ANKH: variants seen among roughly 807,000 people sequenced by gnomAD.
The protein encoded by ANKH is ANKH inorganic pyrophosphate transport regulator.
A neutral mutation model predicts 49.0 loss-of-function variants in ANKH; 15 were observed. The observed-to-expected ratio is 0.31, with a 90% CI of 0.20 to 0.47. ANKH has a LOEUF of 0.47. ANKH is among the 20% of genes least tolerant of loss of function. The pLI is 1.00. For synonymous variants in ANKH, 273 were observed against 260.0 expected (o/e 1.05, Z -0.48); for missense variants, 429 against 652.0 (o/e 0.66, Z 3.72).
chr5:14,750,607 T>C (rs1738680284), intron 5 of ANKH, among the ~76,000 whole-genome samples: 1 of 152,174 alleles, frequency 6.6e-6, no homozygotes, highest in Admixed American at 6.5e-5. Flanking sequence ...GTACCTAACG[T>C]TGTGCTTGGT....
intron 8 of ANKH, among the ~76,000 whole-genome samples, chr5:14,731,603 A>G (rs1738004860): frequency 6.6e-6 from 1 of 152,164 alleles, no homozygotes; most frequent in Admixed American, 6.5e-5. Flanking sequence ...TCTGTTGATA[A>G]CCATAAAACT....
At chr5:14,828,018 A>G (rs1741393306) in intron 1 of ANKH, among the ~76,000 whole-genome samples, 1 of 152,190 alleles carries the variant, frequency 6.6e-6, no homozygotes, top group African/African-American at 2.4e-5. Flanking sequence ...AATCACATCA[A>G]TTACAGACAA....
intron 1 of ANKH, among the ~76,000 whole-genome samples, chr5:14,848,625 G>T (rs1463525128): frequency 1.3e-5 from 2 of 152,182 alleles, no homozygotes; most frequent in Non-Finnish European, 2.9e-5. Flanking sequence ...GGCGCCCACT[G>T]CCGCTCCCGA....
At chr5:14,835,588 T>C (rs1230134479) in intron 1 of ANKH, among the ~76,000 whole-genome samples, 3 of 152,210 alleles carry the variant, frequency 2.0e-5, no homozygotes, top group African/African-American at 7.2e-5. Context: ...GGTGAGATTC[T>C]GGCAGATGCT....
At chr5:14,716,870 A>AAAAGGAG (rs1281081682) in intron 8 of ANKH, 35 bp from the exon 9 acceptor site, 24 of 1,611,670 alleles carry the variant, frequency 1.5e-5, no homozygotes, top group Non-Finnish European at 2.0e-5. Context: ...GTTGTGAGGA[A>AAAAGGAG]AAAGTGTAAG....
intron 1 of ANKH, among the ~76,000 whole-genome samples, chr5:14,790,980 T>C (rs1280849393): frequency 6.6e-6 from 1 of 152,190 alleles, no homozygotes; most frequent in African/African-American, 2.4e-5. Flanking sequence ...TCATGAGTTC[T>C]CTCACTTCAT....
chr5:14,866,069 C>A (rs565814570), intron 1 of ANKH, among the ~76,000 whole-genome samples: 1 of 152,130 alleles, frequency 6.6e-6, no homozygotes, highest in African/African-American at 2.4e-5. Context: ...GTATTCAGTG[C>A]GGTCTCAGCT....
chr5:14,741,004 T>C (rs1738335867), intron 8 of ANKH, among the ~76,000 whole-genome samples: 1 of 152,202 alleles, frequency 6.6e-6, no homozygotes, highest in Non-Finnish European at 1.5e-5. Flanking sequence ...TTCAAAAGAC[T>C]CTTATTTCTT....
At chr5:14,817,761 C>A (rs1230535230) in intron 1 of ANKH, among the ~76,000 whole-genome samples, 2 of 152,112 alleles carry the variant, frequency 1.3e-5, no homozygotes, top group African/African-American at 2.4e-5. Flanking sequence ...GTGTGTCAAC[C>A]CCCTCTTTCA....
chr5:14,796,170 T>C (rs918636255), intron 1 of ANKH, among the ~76,000 whole-genome samples: 3 of 148,424 alleles, frequency 2.0e-5, no homozygotes, highest in Middle Eastern at 3.2e-3. Context: ...GCAAATGTGT[T>C]TTTTTTTTTA....
At position 14,831,080 on chromosome 5, in the gene ANKH, G is replaced by A. The variant is rs145036307; in HGVS notation, c.96+40272C>T. 5.3e-4 allele frequency among the ~76,000 whole-genome samples: 80 copies of A among 152,290 alleles called. 1 individual carries two copies. Among genetic ancestry groups the A allele is most frequent in the African/African-American group, 1.3e-3 (55 of 41,566 alleles). ...TACTTCCTCTGGAGTTGATCAGAAT[G>A]AGGACAAGGATAGTTCCTGCTGAAC... On this transcript the variant is annotated intron_variant, in intron 1 of 11. Coordinates refer to ENST00000284268, the MANE Select transcript of ANKH (RefSeq NM_054027.6).
In ANKH at chr5:14,710,781, ATTC is replaced by A. The variant is rs1225628152; in HGVS notation, c.*413_*415del. ...AAGGAAGCCGAGTTTTAACCTGTTG[ATTC>A]TTAAGAGCGATGAAGGGGGACAGGA... On this transcript the variant is annotated 3_prime_UTR_variant, in exon 12 of 12. Coordinates refer to ENST00000284268, the MANE Select transcript of ANKH (RefSeq NM_054027.6). The A allele has an allele frequency of 1.9e-5, 4 of 209,862 alleles. No homozygotes were observed. Among genetic ancestry groups the A allele is most frequent in the Non-Finnish European group, 3.9e-5 (4 of 101,928 alleles). 13.0% of individuals were successfully genotyped at this position (209,862 alleles called of 1,614,324 possible). A position where few individuals can be genotyped will look rare whatever the true frequency, so the allele number is the denominator to read the frequency against.
chr5:14,775,159 A>G (rs1165345457), intron 1 of ANKH, among the ~76,000 whole-genome samples: 1 of 152,012 alleles, frequency 6.6e-6, no homozygotes, highest in Non-Finnish European at 1.5e-5. Flanking sequence ...CCTGAGCTCA[A>G]GTGATCCTCC....
intron 3 of ANKH, among the ~76,000 whole-genome samples, chr5:14,757,589 A>C (rs113761319): frequency 0.01 from 1,566 of 152,062 alleles, 23 homozygotes; most frequent in African/African-American, 0.036. Context: ...AAAATAATGA[A>C]ACCCTACCAG....
chr5:14,807,174 G>A (rs180918041), intron 1 of ANKH, among the ~76,000 whole-genome samples: 1 of 148,688 alleles, frequency 6.7e-6, no homozygotes, highest in Non-Finnish European at 1.5e-5. Flanking sequence ...GAGTGCAGTA[G>A]CATGATCTCA....
At chr5:14,856,279 A>G (rs1170995916) in intron 1 of ANKH, among the ~76,000 whole-genome samples, 1 of 152,136 alleles carries the variant, frequency 6.6e-6, no homozygotes, top group Non-Finnish European at 1.5e-5. Flanking sequence ...AAAATAAAAC[A>G]GGTATAGCAG....
At chr5:14,744,440 C>T (rs541931945) in intron 7 of ANKH, among the ~76,000 whole-genome samples, 40 of 138,332 alleles carry the variant, frequency 2.9e-4, no homozygotes, top group African/African-American at 1.2e-3. Context: ...TACCCTTTCC[C>T]ACGTGACCAT....
At chr5:14,789,610 C>A (rs1208512047) in intron 1 of ANKH, among the ~76,000 whole-genome samples, 2 of 152,164 alleles carry the variant, frequency 1.3e-5, no homozygotes, top group Non-Finnish European at 2.9e-5. Context: ...AAAAGGGAAT[C>A]TCCTAAAATT....
chr5:14,777,465 C>A (rs533511360), intron 1 of ANKH, among the ~76,000 whole-genome samples: 1 of 152,238 alleles, frequency 6.6e-6, no homozygotes, highest in Admixed American at 6.5e-5. Context: ...AAAAATATAA[C>A]CTCCACGGAA....
Sources: allele counts gnomAD v4.1 joint callset (sites outside exome capture counted in the v4.1 genomes callset), GRCh38; gene constraint gnomAD v4.1.1; transcripts MANE v1.5; gene names NCBI Gene and HGNC (gene_info 2026-07-23, HGNC 2026-07-21).